LRRC37A3: variants seen among roughly 807,000 people sequenced by gnomAD.
The protein encoded by LRRC37A3 is leucine-rich repeat-containing protein 37A3.
In LRRC37A3, 25 loss-of-function variants were observed where a neutral mutation model predicts 106.2. That is an observed-to-expected ratio of 0.24 (90% CI 0.17 to 0.33). The LOEUF (loss-of-function observed/expected upper bound fraction) is 0.33, where lower values mean the gene tolerates loss of function less well. Ranked by LOEUF, LRRC37A3 falls within the 10% of genes least tolerant of loss-of-function variation. The pLI is 1.00. For missense variants in LRRC37A3, 712 were observed against 1,644.9 expected (o/e 0.43, Z 9.81); for synonymous variants, 305 against 635.8 (o/e 0.48, Z 7.83).
rs576091476 is a variant in LRRC37A3 at position 64,860,904 on chromosome 17, G to C, written c.3242C>G (p.Thr1081Arg). ...CGGCTCAATAATCAGCTCAGTGCTT[G>C]TGTAATTCTTCCGGGCTTGTAACAC... ...MKVLQARKNY[T>R]STELIIEPEE... The change falls in exon 12 of 15, where the codon ACA (threonine) becomes AGA (arginine). Residue 1081 changes from threonine to arginine, a missense_variant. Transcript: ENST00000584306. The C allele has an allele frequency of 2.5e-6, 4 of 1,614,136 alleles. No homozygotes were observed. The highest frequency in any genetic ancestry group is 1.3e-5 in the African/African-American group (1 of 75,036).
chr17:64,912,730 G>GA (rs1332911988), intron 2 of LRRC37A3, among the ~76,000 whole-genome samples: 3 of 147,540 alleles, frequency 2.0e-5, no homozygotes, highest in Non-Finnish European at 4.5e-5. Flanking sequence ...AAAGAAAAAC[G>GA]AAAAAACAAG....
intron 2 of LRRC37A3, among the ~76,000 whole-genome samples, chr17:64,904,127 A>C (rs1974392648): frequency 6.6e-6 from 1 of 150,982 alleles, no homozygotes; most frequent in Non-Finnish European, 1.5e-5. Flanking sequence ...CGACAGGGCA[A>C]GACTCTGCTT....
chr17:64,873,028 G>T (rs377139086), intron 8 of LRRC37A3, among the ~76,000 whole-genome samples: 4 of 152,198 alleles, frequency 2.6e-5, no homozygotes, highest in African/African-American at 9.7e-5. Context: ...TGATCAGTAA[G>T]CTAACCGAGG....
intron 2 of LRRC37A3, among the ~76,000 whole-genome samples, chr17:64,916,586 G>T (rs1201500019): frequency 6.8e-6 from 1 of 147,658 alleles, no homozygotes; most frequent in Non-Finnish European, 1.5e-5. Context: ...AATCAGTCTG[G>T]GCAACATATC....
At position 64,877,990 on chromosome 17, in the gene LRRC37A3, C is replaced by T. The variant is rs563252935; in HGVS notation, c.2906+8096G>A. On this transcript the variant is annotated intron_variant, in intron 8 of 14. Coordinates refer to ENST00000584306, the MANE Select transcript of LRRC37A3 (RefSeq NM_199340.5). Reference sequence around the variant, plus strand: ...GAAGGTGGACCCCCTACATCTCACACGATTATAAGAATTGATGCAAAATAT... The same window carrying T: ...GAAGGTGGACCCCCTACATCTCACATGATTATAAGAATTGATGCAAAATAT... 2.0e-4 allele frequency among the ~76,000 whole-genome samples: 30 copies of T among 151,798 alleles called. 1 individual carries two copies. The highest frequency in any genetic ancestry group is 1.3e-4 in the Non-Finnish European group (9 of 67,980).
intron 11 of LRRC37A3, among the ~76,000 whole-genome samples, chr17:64,861,545 G>T (rs578027241): frequency 1.8e-4 from 28 of 152,276 alleles, no homozygotes; most frequent in Non-Finnish European, 3.5e-4. Flanking sequence ...CTGCTCCCAC[G>T]TGTGGTAGCC....
At position 64,854,460 on chromosome 17, in the gene LRRC37A3, C is replaced by A. The variant is rs535712798; in HGVS notation, c.*139G>T. On this transcript the variant is annotated 3_prime_UTR_variant, in exon 15 of 15. Transcript: ENST00000584306. The stretch of plus-strand genomic sequence containing the variant: ...GACTAATTAGACTGGGAAACAAGGG[C>A]AGGAACGATGGCCCTGTGCTTGCTC... 14 of 1,216,066 alleles carry A rather than the reference C, an allele frequency of 1.2e-5. No homozygotes were observed. The African/African-American group carries it at 1.7e-4, about 15-fold the overall frequency. The allele number at this position is 1,216,066 out of a possible 1,614,324, so 75.3% of individuals were successfully genotyped here.
chr17:64,893,648 A>ATTTTTT (rs3972251), intron 4 of LRRC37A3, among the ~76,000 whole-genome samples: 7 of 86,944 alleles, frequency 8.1e-5, no homozygotes, highest in Admixed American at 2.3e-4. Context: ...CCCTCCTATC[A>ATTTTTT]TTTTTTTTTT....
intron 8 of LRRC37A3, among the ~76,000 whole-genome samples, chr17:64,874,405 G>A (rs1228434563): frequency 2.7e-5 from 4 of 150,586 alleles, no homozygotes; most frequent in Non-Finnish European, 5.9e-5. Context: ...GAGCCCCTCC[G>A]CCCGGCAGTC....
chr17:64,865,483 C>CT (rs1339622188), intron 10 of LRRC37A3, among the ~76,000 whole-genome samples: 1 of 152,172 alleles, frequency 6.6e-6, no homozygotes, highest in Admixed American at 6.5e-5. Context: ...TAAACATTTT[C>CT]TTTTTTTCCT....
intron 10 of LRRC37A3, among the ~76,000 whole-genome samples, chr17:64,866,624 ATATATT>A (rs1973111678): frequency 8.4e-5 from 2 of 23,914 alleles, no homozygotes; most frequent in South Asian, 1.8e-3. Context: ...ATATATATAT[ATATATT>A]TTTTTTTTTT....
chr17:64,874,652 GA>G (rs1973447627), intron 8 of LRRC37A3, among the ~76,000 whole-genome samples: 1 of 152,256 alleles, frequency 6.6e-6, no homozygotes, highest in African/African-American at 2.4e-5. Context: ...TTGTTGAATA[GA>G]AAAGGGGGAA....
chr17:64,871,844 G>C (rs1430114199), intron 8 of LRRC37A3: 1 of 152,182 alleles, frequency 6.6e-6, no homozygotes, highest in African/African-American at 2.4e-5. Context: ...GTGGAATAAA[G>C]ACATCCAGGC....
intron 8 of LRRC37A3, among the ~76,000 whole-genome samples, chr17:64,875,132 C>A (rs1408040869): frequency 1.3e-5 from 2 of 152,052 alleles, no homozygotes; most frequent in Non-Finnish European, 2.9e-5. Context: ...ACAAAAAAAA[C>A]TGGGCATGGT....
At chr17:64,866,610 ATATATATATATATATATATTTTTTTTT>A (rs1208655808) in intron 10 of LRRC37A3, among the ~76,000 whole-genome samples, 1 of 20,210 alleles carries the variant, frequency 4.9e-5, no homozygotes, top group African/African-American at 2.9e-4. Flanking sequence ...ATATATATAT[ATATATATATATATATATATTTTTTTTT>A]TTTTTTTTTT....
At chr17:64,866,629 T>TATATATATATATGTATA (rs71236448) in intron 10 of LRRC37A3, among the ~76,000 whole-genome samples, 1 of 12,858 alleles carries the variant, frequency 7.8e-5, no homozygotes, top group Non-Finnish European at 1.3e-4. Flanking sequence ...TATATATATA[T>TATATATATATATGTATA]TTTTTTTTTT....
At chr17:64,884,496 C>T (rs1421295024) in intron 8 of LRRC37A3, among the ~76,000 whole-genome samples, 1 of 150,886 alleles carries the variant, frequency 6.6e-6, no homozygotes, top group Non-Finnish European at 1.5e-5. Context: ...CTCCTGAGTA[C>T]CTAGGATTAC....
chr17:64,858,040 C>T (rs1157177081), intron 13 of LRRC37A3, among the ~76,000 whole-genome samples: 1 of 152,182 alleles, frequency 6.6e-6, no homozygotes, highest in Admixed American at 6.5e-5. Flanking sequence ...CAGGAATCGG[C>T]ACTGTAAACA....
chr17:64,913,361 A>G (rs3106152), intron 2 of LRRC37A3, among the ~76,000 whole-genome samples: 24,099 of 118,866 alleles, frequency 0.2, 4,176 homozygotes, highest in African/African-American at 0.48. Context: ...TTTCTTTTGA[A>G]ATGGAGTCTT....
Sources: gnomAD v4.1 joint callset for allele counts (sites outside exome capture counted in the v4.1 genomes callset) on GRCh38, gnomAD v4.1.1 for gene constraint, MANE v1.5 for transcripts, NCBI Gene and HGNC (gene_info 2026-07-23, HGNC 2026-07-21) for gene names.